The following MEGF10 variants were observed in gnomAD, a reference collection of about 807,000 sequenced individuals.
The protein encoded by MEGF10 is multiple epidermal growth factor-like domains protein 10.
Under a neutral mutation model 147.5 loss-of-function variants are expected in MEGF10, and 86 were observed. That is an observed-to-expected ratio of 0.58 (90% CI 0.49 to 0.70). MEGF10 has a LOEUF of 0.70. MEGF10 is among the 30% of genes least tolerant of loss of function. MEGF10 has a pLI of 0.00. For synonymous variants in MEGF10, 478 were observed against 525.5 expected, an observed-to-expected ratio of 0.91 and a Z score of 1.24; for missense variants, 1,329 against 1,487.3, an observed-to-expected ratio of 0.89 and a Z score of 1.75.
intron 14 of MEGF10, among the ~76,000 whole-genome samples, chr5:127,434,214 A>T (rs1253445382): frequency 3.3e-5 from 5 of 152,214 alleles, no homozygotes; most frequent in Admixed American, 3.3e-4. Context: ...GATTACAGTC[A>T]TTAACCTGGA....
chr5:127,366,363 G>A (rs1016266838), intron 4 of MEGF10, among the ~76,000 whole-genome samples: 4 of 152,166 alleles, frequency 2.6e-5, no homozygotes, highest in African/African-American at 9.7e-5. Flanking sequence ...AGCAGAGATG[G>A]CACTTGTATA....
chr5:127,338,899 A>C (rs1280867606), intron 2 of MEGF10, among the ~76,000 whole-genome samples: 2 of 152,078 alleles, frequency 1.3e-5, no homozygotes, highest in African/African-American at 4.8e-5. Flanking sequence ...TTTTCTTTAA[A>C]ATTTACAGCA....
At chr5:127,391,102 G>GCGCA (rs1426600414) in intron 5 of MEGF10, among the ~76,000 whole-genome samples, 276 of 53,886 alleles carry the variant, frequency 5.1e-3, no homozygotes, top group South Asian at 0.015. Flanking sequence ...GCGCGCGCGC[G>GCGCA]CACACACACA....
intron 1 of MEGF10, among the ~76,000 whole-genome samples, chr5:127,330,596 T>C (rs970585651): frequency 6.6e-6 from 1 of 152,194 alleles, no homozygotes; most frequent in Non-Finnish European, 1.5e-5. Flanking sequence ...CAGCTTTACA[T>C]TTTTTTCTAT....
chr5:127,402,810 A>G, intron 8 of MEGF10, 128 bp downstream of exon 8: 2 of 875,982 alleles, frequency 2.3e-6, no homozygotes, highest in South Asian at 5.2e-5. Context: ...GTAGCTATAC[A>G]GCCTCAATGT....
rs552899058 is a variant in MEGF10 at position 127,375,665 on chromosome 5, C to T, written c.412+5663C>T. On this transcript the variant is annotated intron_variant, in intron 5 of 24. Transcript: ENST00000503335. ...CCTGCTCTAGCTCTGTTCTTCCCCCCATCAATTTATCTGCCCATGCATCAA... is the reference window on the plus strand; with the variant it reads ...CCTGCTCTAGCTCTGTTCTTCCCCCTATCAATTTATCTGCCCATGCATCAA... Among the ~76,000 whole-genome samples the T allele has an allele frequency of 2.7e-4, 41 of 152,342 alleles. No individual in the cohort carries two copies. The South Asian group carries it at 8.1e-3, about 30-fold the overall frequency.
At chr5:127,347,484 T>G (rs926089661) in intron 4 of MEGF10, among the ~76,000 whole-genome samples, 2 of 152,088 alleles carry the variant, frequency 1.3e-5, no homozygotes, top group Non-Finnish European at 2.9e-5. Flanking sequence ...AACACTTTTT[T>G]GTTATATACA....
At chr5:127,398,123 T>C (rs1055507243) in intron 6 of MEGF10, among the ~76,000 whole-genome samples, 6 of 151,988 alleles carry the variant, frequency 3.9e-5, no homozygotes, top group Non-Finnish European at 8.8e-5. Context: ...CATGCGGGGC[T>C]TAAAACCTAG....
At chr5:127,258,273 T>C in the MEGF10 span, among the ~76,000 whole-genome samples, 15 of 152,112 alleles carry the variant, frequency 9.9e-5, no homozygotes, top group African/African-American at 3.6e-4. Context: ...GAAAATGAGA[T>C]TGGTTTTAAG....
the MEGF10 span, among the ~76,000 whole-genome samples, chr5:127,246,416 G>A: frequency 6.6e-6 from 1 of 152,022 alleles, no homozygotes; most frequent in Non-Finnish European, 1.5e-5. Flanking sequence ...AGAATATATG[G>A]GTACAGGGAG....
intron 5 of MEGF10, among the ~76,000 whole-genome samples, chr5:127,386,381 T>A (rs377393505): frequency 9.9e-5 from 15 of 152,234 alleles, no homozygotes; most frequent in African/African-American, 3.1e-4. Context: ...GTCCAGATTT[T>A]ATTTATGACA....
In MEGF10 at chr5:127,433,427, C is replaced by T. The variant is rs1388047529; in HGVS notation, c.1758C>T (p.Tyr586=). Residue 586 remains tyrosine (Y), a synonymous_variant, in exon 14 of 25, where the codon TAC becomes TAT. Coordinates refer to ENST00000503335, the MANE Select transcript of MEGF10 (RefSeq NM_001256545.2). ...GCCCCAACTGCTCCCTGCCCTGCTA[C>T]TGTAAAAATGGGGCTTCATGCTCCC... ...RWGPNCSLPC[Y]CKNGASCSPD... 4 of 1,614,010 alleles carry T rather than the reference C, an allele frequency of 2.5e-6. No homozygotes were observed. Among genetic ancestry groups the T allele is most frequent in the African/African-American group, 2.7e-5 (2 of 74,938 alleles).
At chr5:127,456,848 C>A (rs1766378102) in intron 24 of MEGF10, among the ~76,000 whole-genome samples, 2 of 152,142 alleles carry the variant, frequency 1.3e-5, no homozygotes, top group Admixed American at 6.6e-5. Context: ...GTTTTTCAGA[C>A]CATGATTTAT....
chr5:127,427,789 C>A (rs1765253429), intron 13 of MEGF10, among the ~76,000 whole-genome samples: 1 of 152,164 alleles, frequency 6.6e-6, no homozygotes. Flanking sequence ...TGTCCAGTGA[C>A]ATATAAGTGC....
chr5:127,381,823 AC>A (rs544182995), intron 5 of MEGF10, among the ~76,000 whole-genome samples: 95 of 152,248 alleles, frequency 6.2e-4, no homozygotes, highest in African/African-American at 2.3e-3. Flanking sequence ...GGAGCCCACC[AC>A]CATGCTCAGC....
intron 13 of MEGF10, among the ~76,000 whole-genome samples, chr5:127,432,486 A>G (rs1765416870): frequency 6.6e-6 from 1 of 152,238 alleles, no homozygotes; most frequent in African/African-American, 2.4e-5. Context: ...CTGCCAGTTC[A>G]CTACTAATTA....
At chr5:127,242,989 A>G in the MEGF10 span, among the ~76,000 whole-genome samples, 3 of 152,194 alleles carry the variant, frequency 2.0e-5, no homozygotes, top group Non-Finnish European at 2.9e-5. Context: ...TTTAGGTATT[A>G]TAATAAAAAT....
rs182357843 is a variant in MEGF10, at chr5:127,387,882, T to C, written c.413-8650T>C. Among the ~76,000 whole-genome samples, 65 of 152,320 alleles carry C rather than the reference T, an allele frequency of 4.3e-4. 1 individual carries two copies. Among genetic ancestry groups the C allele is most frequent in the Non-Finnish European group, 7.5e-4 (51 of 68,030 alleles). On this transcript the variant is annotated intron_variant, in intron 5 of 24. Transcript: ENST00000503335. ...CACTCTCTGTTTCGTGTCGTTTGCA[T>C]GGAAAATTAGGCTGAGGGTTTGAGG...
intron 10 of MEGF10, 89 bp downstream of exon 10, chr5:127,417,901 C>G (rs1237017617): frequency 3.0e-6 from 4 of 1,349,338 alleles, no homozygotes; most frequent in Non-Finnish European, 4.0e-6. Flanking sequence ...CAGTGAAATA[C>G]AGTGAATGTG....
Sources: gnomAD v4.1 joint callset for allele counts (sites outside exome capture counted in the v4.1 genomes callset) on GRCh38, gnomAD v4.1.1 for gene constraint, MANE v1.5 for transcripts, NCBI Gene and HGNC (gene_info 2026-07-23, HGNC 2026-07-21) for gene names.